The following GAREM1 variants were observed in gnomAD, a reference collection of about 807,000 sequenced individuals.
GAREM1 encodes GRB2-associated and regulator of MAPK protein 1.
In GAREM1, 26 loss-of-function variants were observed where a neutral mutation model predicts 71.3. The observed-to-expected ratio is 0.36, with a 90% confidence interval of 0.27 to 0.51. The LOEUF is 0.51. Ranked by LOEUF, GAREM1 falls within the 20% of genes least tolerant of loss-of-function variation. GAREM1 has a pLI of 0.95. For missense variants in GAREM1, 1,026 were observed against 1,103.1 expected, an observed-to-expected ratio of 0.93 and a Z score of 0.99; for synonymous variants, 440 against 433.2, an observed-to-expected ratio of 1.02 and a Z score of -0.20.
At chr18:32,337,880 C>T (rs577836956) in intron 2 of GAREM1, among the ~76,000 whole-genome samples, 7 of 152,266 alleles carry the variant, frequency 4.6e-5, no homozygotes, top group Non-Finnish European at 5.9e-5. Context: ...CTACCTTAAC[C>T]GGCTCTCTCA....
intron 2 of GAREM1, among the ~76,000 whole-genome samples, chr18:32,389,030 A>G (rs1314474822): frequency 6.6e-6 from 1 of 152,198 alleles, no homozygotes; most frequent in East Asian, 1.9e-4. Flanking sequence ...AATAAATAGC[A>G]TATTTGTCTG....
At chr18:32,360,033 T>C (rs1032969572) in intron 2 of GAREM1, among the ~76,000 whole-genome samples, 29 of 152,124 alleles carry the variant, frequency 1.9e-4, no homozygotes, top group African/African-American at 7.0e-4. Context: ...TTCTGGGACA[T>C]CTATTACTTA....
At chr18:32,329,824 C>A (rs113041363) in intron 2 of GAREM1, among the ~76,000 whole-genome samples, 1 of 151,126 alleles carries the variant, frequency 6.6e-6, no homozygotes, top group Admixed American at 6.6e-5. Context: ...GGAGAGTGAT[C>A]GGGCACCATT....
chr18:32,431,447 GT>G (rs989919991), intron 1 of GAREM1, among the ~76,000 whole-genome samples: 1 of 152,120 alleles, frequency 6.6e-6, no homozygotes, highest in African/African-American at 2.4e-5. Flanking sequence ...GGCCAATGTG[GT>G]AAAACCCCGT....
rs1278618229 is a variant in GAREM1, at chr18:32,287,220, C to T, written c.1377G>A (p.Glu459=). 1.9e-6 allele frequency: 3 copies of T among 1,614,120 alleles called. No homozygotes were observed. The highest frequency in any genetic ancestry group is 1.7e-6 in the Non-Finnish European group (2 of 1,180,048). Residue 459 remains glutamate (E), a synonymous_variant, in exon 4 of 6, where the codon GAG becomes GAA. Coordinates refer to ENST00000269209, the MANE Select transcript of GAREM1 (RefSeq NM_001242409.2). This position sits in a 1 kb window ranked among gnomAD's most constrained non-coding sequence, Gnocchi z 5.9. The stretch of plus-strand genomic sequence containing the variant: ...GAGGCTGATGGCTGGGCTTGCCTTC[C>T]TCCAGCCACAGCTCTTCGTAGGGAA... ...SELPYEELWL[E]EGKPSHQPLT...
intron 2 of GAREM1, among the ~76,000 whole-genome samples, chr18:32,386,526 T>C (rs957566015): frequency 6.6e-6 from 1 of 152,162 alleles, no homozygotes; most frequent in Admixed American, 6.5e-5. Flanking sequence ...ATTCACCAGA[T>C]TTGCAGGAGG....
intron 3 of GAREM1, among the ~76,000 whole-genome samples, chr18:32,296,147 G>A (rs2047137117): frequency 6.6e-6 from 1 of 152,010 alleles, no homozygotes; most frequent in Non-Finnish European, 1.5e-5. Flanking sequence ...ATTTTTAGTA[G>A]AGAAGGGGTT....
intron 1 of GAREM1, among the ~76,000 whole-genome samples, chr18:32,469,297 T>C (rs1395609628): frequency 6.6e-6 from 1 of 152,214 alleles, no homozygotes; most frequent in East Asian, 1.9e-4. Flanking sequence ...TTCTGCTTAG[T>C]GTTCTTCTGA....
At chr18:32,420,379 C>A (rs555979343) in intron 1 of GAREM1, among the ~76,000 whole-genome samples, 85 of 151,722 alleles carry the variant, frequency 5.6e-4, no homozygotes, top group African/African-American at 2.0e-3. Context: ...AAAAAAAACC[C>A]TGCTGGCCAC....
intron 2 of GAREM1, among the ~76,000 whole-genome samples, chr18:32,381,005 A>C (rs753065468): frequency 6.6e-6 from 1 of 151,876 alleles, no homozygotes; most frequent in Non-Finnish European, 1.5e-5. Flanking sequence ...ATTTTTATAT[A>C]TAGAACAAAG....
At chr18:32,396,421 G>A (rs527581006) in intron 1 of GAREM1, among the ~76,000 whole-genome samples, 16 of 152,268 alleles carry the variant, frequency 1.1e-4, no homozygotes, top group African/African-American at 3.4e-4. Context: ...AACATTAGAC[G>A]AATGGCTAAC....
chr18:32,318,429 C>T (rs946173531), intron 2 of GAREM1, among the ~76,000 whole-genome samples: 2 of 152,172 alleles, frequency 1.3e-5, no homozygotes, highest in African/African-American at 4.8e-5. Context: ...CTTCACTCTC[C>T]TTTACTTACA....
chr18:32,371,228 A>T (rs1444815062), intron 2 of GAREM1, among the ~76,000 whole-genome samples: 2 of 152,154 alleles, frequency 1.3e-5, no homozygotes. Context: ...GCCAGGGAGC[A>T]CCTACTTGGT....
chr18:32,401,692 C>T (rs953141168), intron 1 of GAREM1, among the ~76,000 whole-genome samples: 1 of 152,170 alleles, frequency 6.6e-6, no homozygotes, highest in African/African-American at 2.4e-5. Context: ...GAAACCAGAG[C>T]CATGGGGCGT....
At chr18:32,433,801 T>G (rs1439405289) in intron 1 of GAREM1, among the ~76,000 whole-genome samples, 1 of 152,080 alleles carries the variant, frequency 6.6e-6, no homozygotes, top group Non-Finnish European at 1.5e-5. Context: ...AAAGAAGATG[T>G]AAAGAAATGA....
chr18:32,452,905 CTT>C lies in GAREM1; in HGVS notation c.121+17401_121+17402del, dbSNP rs1311568688. On this transcript the variant is annotated intron_variant, in intron 1 of 5. Coordinates refer to ENST00000269209, the MANE Select transcript of GAREM1 (RefSeq NM_001242409.2). ...TGTTATTAACTATAGGGTAGCAAAA[CTT>C]ATATAGGTATGTATGTGTGTGTGTT... 6.7e-5 allele frequency among the ~76,000 whole-genome samples: 10 copies of C among 150,098 alleles called. No individual in the cohort carries two copies. The East Asian group carries it at 1.6e-3, about 24-fold the overall frequency.
intron 1 of GAREM1, among the ~76,000 whole-genome samples, chr18:32,433,357 C>T (rs2048642728): frequency 6.6e-6 from 1 of 151,684 alleles, no homozygotes; most frequent in Admixed American, 6.6e-5. Context: ...CAAATGTTTT[C>T]CCCCTAAAAT....
chr18:32,311,098 T>C (rs2047317041), intron 2 of GAREM1, among the ~76,000 whole-genome samples: 1 of 152,240 alleles, frequency 6.6e-6, no homozygotes, highest in African/African-American at 2.4e-5. Flanking sequence ...AACATATTCC[T>C]AAAATATCAA....
intron 4 of GAREM1, among the ~76,000 whole-genome samples, chr18:32,272,608 C>G (rs2041478471): frequency 6.6e-6 from 1 of 151,766 alleles, no homozygotes. Flanking sequence ...CAGGAAAGAC[C>G]CTTGCACCAT....
Sources: gnomAD v4.1 joint callset for allele counts (sites outside exome capture counted in the v4.1 genomes callset) on GRCh38, gnomAD v4.1.1 for gene constraint, Gnocchi (gnomAD v3.1) non-coding constraint, MANE v1.5 for transcripts, NCBI Gene and HGNC (gene_info 2026-07-23, HGNC 2026-07-21) for gene names.